The following RFFL variants were observed in gnomAD, a reference collection of about 807,000 sequenced individuals.
The protein encoded by RFFL is ring finger and FYVE like domain containing E3 ubiquitin protein ligase, also known as E3 ubiquitin-protein ligase rififylin.
RFFL carries 16 observed loss-of-function variants against 40.4 expected under a neutral mutation model. That is an observed-to-expected ratio of 0.40 (90% CI 0.27 to 0.60). RFFL has a LOEUF of 0.60. RFFL is among the 20% of genes least tolerant of loss of function. The pLI, the probability that RFFL is intolerant of heterozygous loss-of-function variation, is 0.47. For missense variants in RFFL, 367 were observed against 451.7 expected, an observed-to-expected ratio of 0.81 and a Z score of 1.70; for synonymous variants, 154 against 167.9, an observed-to-expected ratio of 0.92 and a Z score of 0.64.
chr17:35,013,487 G>A (rs1294484787), intron 6 of RFFL, among the ~76,000 whole-genome samples: 1 of 152,200 alleles, frequency 6.6e-6, no homozygotes, highest in Non-Finnish European at 1.5e-5. Flanking sequence ...TGATCTCACA[G>A]AAGTCACCTC....
chr17:35,071,310 A>G (rs1412816629), intron 1 of RFFL, among the ~76,000 whole-genome samples: 2 of 151,080 alleles, frequency 1.3e-5, no homozygotes, highest in Non-Finnish European at 3.0e-5. Flanking sequence ...TGGTACAGCA[A>G]CTCTGGAAAA....
chr17:35,008,628 GTTTTT>G lies in RFFL; in HGVS notation c.*3335_*3339del. 1 of 149,934 alleles carries G rather than the reference GTTTTT, an allele frequency of 6.7e-6. No individual in the cohort carries two copies. Among genetic ancestry groups the G allele is most frequent in the African/African-American group, 2.4e-5 (1 of 40,844 alleles). 9.3% of individuals were successfully genotyped at this position (149,934 alleles called of 1,614,324 possible). The stretch of plus-strand genomic sequence containing the variant: ...TGGTTTTTTTGGGTTTTTTGTTTGT[GTTTTT>G]TTTTGTTTTGTTTTTTGAGACAGAG... On this transcript the variant is annotated 3_prime_UTR_variant, in exon 7 of 7. Coordinates refer to ENST00000394597, the MANE Select transcript of RFFL (RefSeq NM_001017368.2).
intron 1 of RFFL, among the ~76,000 whole-genome samples, chr17:35,070,704 G>C (rs2091344111): frequency 6.6e-6 from 1 of 152,076 alleles, no homozygotes; most frequent in Non-Finnish European, 1.5e-5. Flanking sequence ...AGTTTGTCTA[G>C]GGTCTTGCTG....
intron 1 of RFFL, among the ~76,000 whole-genome samples, chr17:35,027,265 C>T (rs1159067283): frequency 2.0e-5 from 3 of 152,158 alleles, no homozygotes; most frequent in Non-Finnish European, 4.4e-5. Flanking sequence ...TACTTTCTTG[C>T]ACAGTTATAT....
chr17:35,057,666 C>T (rs1567712841), intron 1 of RFFL, among the ~76,000 whole-genome samples: 1 of 148,274 alleles, frequency 6.7e-6, no homozygotes, highest in Non-Finnish European at 1.5e-5. Flanking sequence ...TCAAACTTAG[C>T]ATACTAGATA....
rs185214978 is a variant in RFFL at position 35,039,280 on chromosome 17, C to T, written c.-8-12719G>A. ...CTGTCGCCAGGCTGGAGTGCAGTGG[C>T]GCAACCTCGGCTCACTGCAACCTCC... is the stretch of plus-strand genomic sequence containing the variant. On this transcript the variant is annotated intron_variant, in intron 1 of 6. Coordinates refer to ENST00000394597, the MANE Select transcript of RFFL (RefSeq NM_001017368.2). 1.6e-3 allele frequency among the ~76,000 whole-genome samples: 248 copies of T among 152,150 alleles called. 1 individual carries two copies. The highest frequency in any genetic ancestry group is 6.8e-3 in the Middle Eastern group (2 of 292).
intron 1 of RFFL, among the ~76,000 whole-genome samples, chr17:35,082,356 T>C (rs1273340230): frequency 3.3e-5 from 5 of 152,168 alleles, no homozygotes; most frequent in Admixed American, 6.5e-5. Context: ...AGGTGCTACT[T>C]AATGAGGCCA....
Position 35,009,203 on chromosome 17 carries a change from G to A in RFFL, c.*2765C>T, listed in dbSNP as rs1307923955. Reference sequence around the variant, plus strand: ...TGGGTTTGCTTTAACCTCCAAGTAAGTCTGAGAAAATCTTAATAAAAGCCA... The same window carrying A: ...TGGGTTTGCTTTAACCTCCAAGTAAATCTGAGAAAATCTTAATAAAAGCCA... On this transcript the variant is annotated 3_prime_UTR_variant, in exon 7 of 7. Coordinates refer to ENST00000394597, the MANE Select transcript of RFFL (RefSeq NM_001017368.2). 1 of 152,624 alleles carries A rather than the reference G, an allele frequency of 6.6e-6. No individual in the cohort carries two copies. Among genetic ancestry groups the A allele is most frequent in the East Asian group, 1.9e-4 (1 of 5,204 alleles). The allele number at this position is 152,624 out of a possible 1,614,324, so 9.5% of individuals were successfully genotyped here. A position where few individuals can be genotyped will look rare whatever the true frequency, so the allele number is the denominator to read the frequency against.
chr17:35,020,360 GAGCTTTGCCTCCTGTCAGATC>G (rs1380397569), intron 3 of RFFL, among the ~76,000 whole-genome samples: 2 of 151,652 alleles, frequency 1.3e-5, no homozygotes, highest in Non-Finnish European at 2.9e-5. Context: ...ATTACTGCCT[GAGCTTTGCCTCCTGTCAGATC>G]AGCGGTGGCA....
chr17:35,036,177 T>C (rs1265789165), intron 1 of RFFL, among the ~76,000 whole-genome samples: 1 of 152,214 alleles, frequency 6.6e-6, no homozygotes, highest in African/African-American at 2.4e-5. Context: ...TAAAATACTT[T>C]TCTCTTGGGA....
chr17:35,021,147 C>CA (rs1280306041), intron 3 of RFFL, among the ~76,000 whole-genome samples: 2 of 152,024 alleles, frequency 1.3e-5, no homozygotes, highest in Non-Finnish European at 2.9e-5. Flanking sequence ...GTATTAAAAA[C>CA]AAAAAACAAA....
At chr17:35,075,857 T>C (rs1034321328) in intron 1 of RFFL, among the ~76,000 whole-genome samples, 1 of 152,088 alleles carries the variant, frequency 6.6e-6, no homozygotes, top group Non-Finnish European at 1.5e-5. Flanking sequence ...CTGTCTCCCA[T>C]CTTTAAGCAT....
chr17:35,060,351 A>G (rs890919311), intron 1 of RFFL, among the ~76,000 whole-genome samples: 2 of 152,192 alleles, frequency 1.3e-5, no homozygotes, highest in African/African-American at 4.8e-5. Context: ...GCACTTGCCT[A>G]TCGAGCAAAG....
intron 1 of RFFL, among the ~76,000 whole-genome samples, chr17:35,046,260 C>T (rs1156628723): frequency 6.6e-6 from 1 of 152,168 alleles, no homozygotes; most frequent in Non-Finnish European, 1.5e-5. Context: ...ACGGTCACTT[C>T]CATCTCTTCC....
At chr17:35,021,817 A>T (rs1463003640) in intron 2 of RFFL, 36 bp from the exon 3 acceptor site, 2 of 1,610,252 alleles carry the variant, frequency 1.2e-6, no homozygotes, top group Non-Finnish European at 1.7e-6. Flanking sequence ...ACCATGTCAG[A>T]TTGAGAGAAC....
At chr17:35,020,261 C>T (rs539041646) in intron 3 of RFFL, among the ~76,000 whole-genome samples, 1 of 152,084 alleles carries the variant, frequency 6.6e-6, no homozygotes, top group East Asian at 1.9e-4. Context: ...GATCAAGGGT[C>T]CCCAACCCCT....
intron 1 of RFFL, among the ~76,000 whole-genome samples, chr17:35,027,371 A>C (rs890199560): frequency 6.6e-6 from 1 of 152,172 alleles, no homozygotes; most frequent in African/African-American, 2.4e-5. Context: ...ACTGTTGTCC[A>C]TGTAGAAGCT....
chr17:35,076,304 TCTTA>T (rs2091376137), intron 1 of RFFL, among the ~76,000 whole-genome samples: 1 of 152,038 alleles, frequency 6.6e-6, no homozygotes, highest in African/African-American at 2.4e-5. Flanking sequence ...CTCAATTTAC[TCTTA>T]AATATATTAA....
At chr17:35,083,970 G>A (rs2091416249) in intron 1 of RFFL, among the ~76,000 whole-genome samples, 1 of 152,136 alleles carries the variant, frequency 6.6e-6, no homozygotes, top group South Asian at 2.1e-4. Context: ...GTGGCTCAAT[G>A]GCTCAAGCCT....
Sources: gnomAD v4.1 joint callset for allele counts (sites outside exome capture counted in the v4.1 genomes callset) on GRCh38, gnomAD v4.1.1 for gene constraint, MANE v1.5 for transcripts, NCBI Gene and HGNC (gene_info 2026-07-23, HGNC 2026-07-21) for gene names.